Variants in DCC observed in about 807,000 individuals in gnomAD.
The protein encoded by DCC is DCC netrin 1 receptor.
A neutral mutation model predicts 172.5 loss-of-function variants in DCC; 58 were observed. The ratio of observed to expected loss-of-function variants is 0.34; its 90% CI spans 0.27 to 0.42. The LOEUF is 0.42. DCC is among the 10% of genes least tolerant of loss of function. The pLI, the probability that DCC is intolerant of heterozygous loss-of-function variation, is 1.00. For missense variants in DCC, 1,740 were observed against 1,791.0 expected, an observed-to-expected ratio of 0.97 and a Z score of 0.51; for synonymous variants, 709 against 644.5, an observed-to-expected ratio of 1.10 and a Z score of -1.52.
chr18:52,641,002 T>TATAAAATA (rs559905444), intron 1 of DCC, among the ~76,000 whole-genome samples: 3,763 of 152,228 alleles, frequency 0.025, 70 homozygotes, highest in Middle Eastern at 0.051. Context: ...AGCATGGTAC[T>TATAAAATA]GGCATAAAAA....
chr18:53,254,262 G>A (rs1598950419), intron 12 of DCC, among the ~76,000 whole-genome samples: 1 of 151,990 alleles, frequency 6.6e-6, no homozygotes, highest in Non-Finnish European at 1.5e-5. Context: ...TCCTGGAAAG[G>A]TAGGGAATCC....
At chr18:52,816,847 GAA>G (rs1477538099) in intron 2 of DCC, 3 of 152,088 alleles carry the variant, frequency 2.0e-5, no homozygotes, top group Admixed American at 2.0e-4. Flanking sequence ...ATTCAAAAAT[GAA>G]AAGATTTTAT....
At chr18:53,175,891 C>G (rs1205724763) in intron 8 of DCC, among the ~76,000 whole-genome samples, 1 of 152,186 alleles carries the variant, frequency 6.6e-6, no homozygotes, top group Non-Finnish European at 1.5e-5. Context: ...GCCAAAAGAA[C>G]AAAGCTGGAG....
chr18:52,387,553 G>A (rs1177631040), intron 1 of DCC, among the ~76,000 whole-genome samples: 3 of 147,084 alleles, frequency 2.0e-5, no homozygotes, highest in Admixed American at 6.8e-5. Context: ...GGAGGGCAAA[G>A]CCAGGCTGTT....
chr18:52,920,730 T>A (rs768691744), intron 3 of DCC, among the ~76,000 whole-genome samples: 1 of 152,192 alleles, frequency 6.6e-6, no homozygotes, highest in Non-Finnish European at 1.5e-5. Flanking sequence ...TATGCTTGAA[T>A]GTTTATAGCA....
intron 1 of DCC, among the ~76,000 whole-genome samples, chr18:52,380,279 TA>T (rs1985529413): frequency 6.6e-6 from 1 of 152,078 alleles, no homozygotes; most frequent in Non-Finnish European, 1.5e-5. Flanking sequence ...TCCCCTAGAA[TA>T]AAGTTTCTGC....
chr18:53,476,954 T>C (rs148698708), intron 25 of DCC, among the ~76,000 whole-genome samples: 78 of 152,350 alleles, frequency 5.1e-4, no homozygotes, highest in African/African-American at 1.8e-3. Flanking sequence ...TGTTTGTTGG[T>C]GAAACTGTAT....
intron 2 of DCC, among the ~76,000 whole-genome samples, chr18:52,845,973 T>G (rs1350001801): frequency 1.3e-5 from 2 of 152,224 alleles, no homozygotes; most frequent in Non-Finnish European, 2.9e-5. Context: ...AGCTTCAGTG[T>G]GCTTATGTAA....
At chr18:52,886,570 G>A (rs1385362946) in intron 2 of DCC, among the ~76,000 whole-genome samples, 2 of 152,174 alleles carry the variant, frequency 1.3e-5, no homozygotes, top group Non-Finnish European at 2.9e-5. Context: ...ACTTGCCTAA[G>A]ACAAGGTCCC....
At chr18:53,500,525 A>ATGAC (rs1212566677) in intron 27 of DCC, among the ~76,000 whole-genome samples, 1 of 152,000 alleles carries the variant, frequency 6.6e-6, no homozygotes, top group Non-Finnish European at 1.5e-5. Flanking sequence ...AAGCCACATA[A>ATGAC]TGACTGTAAA....
At chr18:52,469,212 C>T (rs1988877426) in intron 1 of DCC, among the ~76,000 whole-genome samples, 1 of 152,242 alleles carries the variant, frequency 6.6e-6, no homozygotes, top group South Asian at 2.1e-4. Context: ...CGTCTGCCAG[C>T]ATGCATGGCT....
In DCC at chr18:52,814,241, G is replaced by A. The variant is rs535145457; in HGVS notation, c.412+61867G>A. 5.3e-5 allele frequency among the ~76,000 whole-genome samples: 8 copies of A among 152,302 alleles called. No individual in the cohort carries two copies. In the South Asian group the frequency reaches 1.7e-3, roughly 32 times the overall value. On this transcript the variant is annotated intron_variant, in intron 2 of 28. Transcript: ENST00000442544. The stretch of plus-strand genomic sequence containing the variant: ...CACAAGGTCAACCTCATCAGTGAAG[G>A]AACAAACAAAATATTGGGAGCCAGC...
intron 12 of DCC, among the ~76,000 whole-genome samples, chr18:53,232,030 A>G (rs2056129335): frequency 6.6e-6 from 1 of 152,100 alleles, no homozygotes; most frequent in African/African-American, 2.4e-5. Context: ...ATGTAGGTCT[A>G]ACTTTCAGAA....
intron 1 of DCC, among the ~76,000 whole-genome samples, chr18:52,678,395 T>C (rs1472111190): frequency 6.6e-6 from 1 of 152,192 alleles, no homozygotes; most frequent in Non-Finnish European, 1.5e-5. Flanking sequence ...CTATTGTTTA[T>C]ATGCGTTCAT....
chr18:52,815,192 G>A (rs1190504414), intron 2 of DCC, among the ~76,000 whole-genome samples: 1 of 152,122 alleles, frequency 6.6e-6, no homozygotes, highest in Non-Finnish European at 1.5e-5. Context: ...TCTGTTTAAT[G>A]AGTAGAAAGT....
chr18:52,612,876 G>T (rs1233775341), intron 1 of DCC, among the ~76,000 whole-genome samples: 1 of 152,194 alleles, frequency 6.6e-6, no homozygotes, highest in African/African-American at 2.4e-5. Context: ...GACCACTTCT[G>T]TCGAAGAGAA....
chr18:52,473,005 T>G (rs999561398), intron 1 of DCC, among the ~76,000 whole-genome samples: 3 of 152,200 alleles, frequency 2.0e-5, no homozygotes, highest in Admixed American at 2.0e-4. Context: ...GAGCTAATAT[T>G]TCTGAAAATT....
At chr18:53,028,611 T>A (rs2041988018) in intron 5 of DCC, among the ~76,000 whole-genome samples, 2 of 152,320 alleles carry the variant, frequency 1.3e-5, no homozygotes, top group African/African-American at 4.8e-5. Context: ...TAATAGTTCT[T>A]TTATTAATTA....
chr18:53,003,905 G>A (rs1157914891), intron 5 of DCC, among the ~76,000 whole-genome samples: 1 of 152,006 alleles, frequency 6.6e-6, no homozygotes, highest in Admixed American at 6.6e-5. Flanking sequence ...ACAGTCAAAG[G>A]TCTACAAGGT....
Sources: allele counts gnomAD v4.1 joint callset (sites outside exome capture counted in the v4.1 genomes callset), GRCh38; gene constraint gnomAD v4.1.1; transcripts MANE v1.5; gene names NCBI Gene and HGNC (gene_info 2026-07-23, HGNC 2026-07-21).